The following MYLK4 variants were observed in gnomAD, a reference collection of about 807,000 sequenced individuals.
The protein encoded by MYLK4 is myosin light chain kinase family member 4, also known as caMLCK like.
A neutral mutation model predicts 48.1 loss-of-function variants in MYLK4; 46 were observed. The observed-to-expected ratio is 0.96, with a 90% CI of 0.75 to 1.22. The LOEUF is 1.22. Among genes scored for constraint, MYLK4 ranks in the 50% most tolerant of loss-of-function variants. The pLI is 0.00. For synonymous variants in MYLK4, 170 were observed against 180.8 expected (o/e 0.94, Z 0.48); for missense variants, 451 against 486.1 (o/e 0.93, Z 0.68).
chr6:2,750,464 T>A (rs1052520707), intron 1 of MYLK4, among the ~76,000 whole-genome samples: 22 of 152,086 alleles, frequency 1.4e-4, no homozygotes, highest in Non-Finnish European at 2.2e-4. Flanking sequence ...CCTGAAAAAA[T>A]TATTAAAATA....
At chr6:2,767,682 G>A in the MYLK4 span, among the ~76,000 whole-genome samples, 1 of 152,248 alleles carries the variant, frequency 6.6e-6, no homozygotes, top group Non-Finnish European at 1.5e-5. Flanking sequence ...CTTTACATAA[G>A]ATCATGAGAA....
chr6:2,747,606 C>T (rs1242274508), intron 2 of MYLK4, among the ~76,000 whole-genome samples: 17 of 152,292 alleles, frequency 1.1e-4, no homozygotes, highest in East Asian at 3.9e-4. Context: ...TCTCTTGCCC[C>T]AGCCTCCCAA....
intron 2 of MYLK4, among the ~76,000 whole-genome samples, chr6:2,730,927 G>A (rs1415389969): frequency 1.3e-5 from 2 of 152,112 alleles, no homozygotes; most frequent in African/African-American, 4.8e-5. Context: ...ATCTGTTACG[G>A]GAGGCTGCTT....
Position 2,697,222 on chromosome 6 carries a change from A to T in MYLK4, c.160-4363T>A, listed in dbSNP as rs922252370. 2.1e-4 allele frequency among the ~76,000 whole-genome samples: 32 copies of T among 152,200 alleles called. 1 individual carries two copies. The highest frequency in any genetic ancestry group is 7.2e-4 in the African/African-American group (30 of 41,446). On this transcript the variant is annotated intron_variant, in intron 2 of 12. Transcript: ENST00000274643. ...AATTGTAGATAACACCGTGCTTCAC[A>T]CTCTGATTTTCTGAAGTGTGTTTTG...
At chr6:2,687,082 T>C (rs1252364346) in intron 4 of MYLK4, among the ~76,000 whole-genome samples, 1 of 152,154 alleles carries the variant, frequency 6.6e-6, no homozygotes, top group Non-Finnish European at 1.5e-5. Context: ...CAAGCAGGGA[T>C]GATGGATACC....
chr6:2,706,077 C>T (rs887174345), intron 2 of MYLK4, among the ~76,000 whole-genome samples: 7 of 152,168 alleles, frequency 4.6e-5, no homozygotes. Flanking sequence ...TATTGATGAT[C>T]TTTTCCCACA....
chr6:2,728,659 G>A (rs1012036814), intron 2 of MYLK4, among the ~76,000 whole-genome samples: 6 of 152,228 alleles, frequency 3.9e-5, no homozygotes, highest in Non-Finnish European at 5.9e-5. Flanking sequence ...TGGGAGGCCC[G>A]TGGAGGCCAC....
chr6:2,768,951 A>G, the MYLK4 span: 35 of 1,456,986 alleles, frequency 2.4e-5, no homozygotes, highest in East Asian at 1.2e-4. Flanking sequence ...TGAGATCACT[A>G]TACAAACGCT....
chr6:2,746,818 G>A (rs932136433), intron 2 of MYLK4, among the ~76,000 whole-genome samples: 5 of 152,208 alleles, frequency 3.3e-5, no homozygotes, highest in East Asian at 3.8e-4. Context: ...AGATGAAGAC[G>A]TGTTAATCTA....
chr6:2,704,904 C>T (rs946825176), intron 2 of MYLK4, among the ~76,000 whole-genome samples: 3 of 152,164 alleles, frequency 2.0e-5, no homozygotes, highest in African/African-American at 7.2e-5. Context: ...ACATCATATC[C>T]ATCACTCTAA....
intron 2 of MYLK4, among the ~76,000 whole-genome samples, chr6:2,713,200 A>G (rs1167552009): frequency 2.6e-5 from 4 of 151,994 alleles, no homozygotes; most frequent in South Asian, 2.1e-4. Context: ...GAGAAACCCC[A>G]TATCTACTAA....
At chr6:2,670,526 A>G (rs1760844518) in intron 12 of MYLK4, among the ~76,000 whole-genome samples, 1 of 152,210 alleles carries the variant, frequency 6.6e-6, no homozygotes, top group Admixed American at 6.5e-5. Context: ...GCCCCCGGCA[A>G]GGACATGAAT....
intron 2 of MYLK4, among the ~76,000 whole-genome samples, chr6:2,704,619 CCAGAGAGATACTT>C (rs1762420512): frequency 6.6e-6 from 1 of 152,052 alleles, no homozygotes; most frequent in East Asian, 1.9e-4. Flanking sequence ...ACATGTTTGC[CCAGAGAGATACTT>C]CATGAATACT....
chr6:2,735,893 A>G (rs906094361), intron 2 of MYLK4, among the ~76,000 whole-genome samples: 1 of 152,220 alleles, frequency 6.6e-6, no homozygotes, highest in African/African-American at 2.4e-5. Context: ...ACAAATTGCT[A>G]ATTTAATCCT....
In MYLK4 at chr6:2,685,342, A is replaced by G. The variant is rs1184161288; in HGVS notation, c.499T>C (p.Tyr167His). The G allele has an allele frequency of 1.2e-6, 2 of 1,613,726 alleles. No homozygotes were observed. Among genetic ancestry groups the G allele is most frequent in the African/African-American group, 2.7e-5 (2 of 74,880 alleles). Residue 167 changes from tyrosine (Y) to histidine (H), a missense_variant, in exon 6 of 13, where the codon TAC becomes CAC. Coordinates refer to ENST00000274643, the MANE Select transcript of MYLK4 (RefSeq NM_001012418.5). This position sits in a 1 kb window ranked among gnomAD's most constrained non-coding sequence, Gnocchi z 4.5. ...QLDHANLIQL[Y>H]DAFESKNDIV... is the part of the protein sequence containing the mutation. ...TCGTTCTTAGACTCGAAGGCATCGT[A>G]CAGCTGGATGAGGTTCGCGTGGTCC...
At chr6:2,742,774 C>T (rs1013717197) in intron 2 of MYLK4, among the ~76,000 whole-genome samples, 23 of 148,228 alleles carry the variant, frequency 1.6e-4, no homozygotes, top group Non-Finnish European at 2.7e-4. Context: ...TGCTAAATGA[C>T]GAGTTAATGG....
chr6:2,736,297 C>G (rs1166330195), intron 2 of MYLK4, among the ~76,000 whole-genome samples: 1 of 152,240 alleles, frequency 6.6e-6, no homozygotes, highest in African/African-American at 2.4e-5. Context: ...CTCTGTCACC[C>G]AGGCTGCAGC....
At chr6:2,767,060 A>C in the MYLK4 span, among the ~76,000 whole-genome samples, 1 of 152,214 alleles carries the variant, frequency 6.6e-6, no homozygotes, top group African/African-American at 2.4e-5. Context: ...AGTCATTTTC[A>C]TCCGGTATTT....
At chr6:2,769,354 G>A in the MYLK4 span, among the ~76,000 whole-genome samples, 15,411 of 151,810 alleles carry the variant, frequency 0.1, 843 homozygotes, top group Non-Finnish European at 0.12. Flanking sequence ...ATTTAAATGG[G>A]TTTCTGAAAT....
Sources: gnomAD v4.1 joint callset for allele counts (sites outside exome capture counted in the v4.1 genomes callset) on GRCh38, gnomAD v4.1.1 for gene constraint, Gnocchi (gnomAD v3.1) non-coding constraint, MANE v1.5 for transcripts, NCBI Gene and HGNC (gene_info 2026-07-23, HGNC 2026-07-21) for gene names.